The following LHX4 variants were observed in gnomAD, a reference collection of about 807,000 sequenced individuals.
The protein encoded by LHX4 is LIM homeobox 4.
In LHX4, 16 loss-of-function variants were observed where a neutral mutation model predicts 39.2. The ratio of observed to expected loss-of-function variants is 0.41; its 90% CI spans 0.28 to 0.62. LHX4 has a LOEUF of 0.62. Ranked by LOEUF, LHX4 falls within the 20% of genes least tolerant of loss-of-function variation. The probability of loss-of-function intolerance (pLI) is 0.33; values close to 1 mark genes in which losing one functional copy is unlikely to be tolerated. For synonymous variants in LHX4, 206 were observed against 198.1 expected (o/e 1.04, Z -0.33); for missense variants, 439 against 511.9 (o/e 0.86, Z 1.37).
chr1:180,277,704 A>AG lies in LHX4; in HGVS notation c.*3126dup, dbSNP rs1346362975. On this transcript the variant is annotated 3_prime_UTR_variant, in exon 6 of 6. Coordinates refer to ENST00000263726, the MANE Select transcript of LHX4 (RefSeq NM_033343.4). Reference sequence around the variant, plus strand: ...ATGCAACCTCAGGCAAATTCCTCTCAGTCTTTGTGCTTTCTCTTTCTTGTC... The same window carrying AG: ...ATGCAACCTCAGGCAAATTCCTCTCAGGTCTTTGTGCTTTCTCTTTCTTGTC... The AG allele has an allele frequency of 6.6e-6, 1 of 152,218 alleles. No individual in the cohort carries two copies. The highest frequency in any genetic ancestry group is 2.4e-5 in the African/African-American group (1 of 41,444). The allele number at this position is 152,218 out of a possible 1,614,324, so 9.4% of individuals were successfully genotyped here.
At chr1:180,271,061 A>C in intron 3 of LHX4, 1 of 415,304 alleles carries the variant, frequency 2.4e-6, no homozygotes, top group Non-Finnish European at 4.6e-6. Flanking sequence ...AGTGTTTGTC[A>C]TGACAGGGAC....
At chr1:180,231,708 T>C (rs1664186889) in intron 1 of LHX4, among the ~76,000 whole-genome samples, 1 of 152,000 alleles carries the variant, frequency 6.6e-6, no homozygotes, top group South Asian at 2.1e-4. Context: ...ACTTCTTTAG[T>C]GGTGCGGTAG....
intron 5 of LHX4, chr1:180,273,845 G>A (rs150921993): frequency 0.02 from 6,549 of 330,282 alleles, 82 homozygotes; most frequent in Non-Finnish European, 0.025. Context: ...TTTGTGATGT[G>A]GAGACATCTG....
At chr1:180,245,260 C>T (rs1213247759) in intron 1 of LHX4, among the ~76,000 whole-genome samples, 2 of 152,230 alleles carry the variant, frequency 1.3e-5, no homozygotes, top group East Asian at 3.8e-4. Flanking sequence ...TGAGTTGTCC[C>T]CTACTTTCTC....
chr1:180,243,741 C>T (rs1004496306), intron 1 of LHX4, among the ~76,000 whole-genome samples: 3 of 152,130 alleles, frequency 2.0e-5, no homozygotes, highest in Non-Finnish European at 2.9e-5. Context: ...GACACATGCA[C>T]ACTAGATGCC....
At chr1:180,262,276 G>A (rs701762) in intron 2 of LHX4, among the ~76,000 whole-genome samples, 134,644 of 144,068 alleles carry the variant, frequency 0.93, 62,917 homozygotes, top group East Asian at 0.99. Context: ...AGATGACTTT[G>A]AAAGGAAAAA....
At position 180,274,985 on chromosome 1, in the gene LHX4, CAGAACTGAGACTCCTAAGGT is replaced by C. The variant is rs907448715; in HGVS notation, c.*410_*429del. On this transcript the variant is annotated 3_prime_UTR_variant, in exon 6 of 6. Transcript: ENST00000263726. ...ATGCCTCCCAAAACACTGCTCTCACCAGAACTGAGACTCCTAAGGTAGAGGCCTCACAGCCCTTGAGTAAA... is the reference window on the plus strand; with the variant it reads ...ATGCCTCCCAAAACACTGCTCTCACCAGAGGCCTCACAGCCCTTGAGTAAA... 4.1e-5 allele frequency: 7 copies of C among 170,542 alleles called. No individual in the cohort carries two copies. The highest frequency in any genetic ancestry group is 1.4e-4 in the African/African-American group (6 of 42,192). The allele number at this position is 170,542 out of a possible 1,614,324, so 10.6% of individuals were successfully genotyped here.
chr1:180,241,053 A>G (rs1323998568), intron 1 of LHX4, among the ~76,000 whole-genome samples: 2 of 152,208 alleles, frequency 1.3e-5, no homozygotes, highest in East Asian at 3.8e-4. Flanking sequence ...AGAAGCCCCA[A>G]ACGTCAATTT....
chr1:180,245,014 C>A (rs1647333473), intron 1 of LHX4, among the ~76,000 whole-genome samples: 1 of 152,226 alleles, frequency 6.6e-6, no homozygotes, highest in African/African-American at 2.4e-5. Context: ...ACACAGCAGG[C>A]CTTGTTCACA....
At chr1:180,239,233 G>A (rs1303706138) in intron 1 of LHX4, among the ~76,000 whole-genome samples, 4 of 152,150 alleles carry the variant, frequency 2.6e-5, no homozygotes, top group Admixed American at 6.5e-5. Flanking sequence ...CTAAATCAAT[G>A]AGCCCCCCAC....
At chr1:180,254,671 C>T (rs1052554386) in intron 2 of LHX4, among the ~76,000 whole-genome samples, 5 of 152,120 alleles carry the variant, frequency 3.3e-5, no homozygotes, top group African/African-American at 4.8e-5. Context: ...GACCCCTCTG[C>T]GGGGTGGGCT....
chr1:180,230,570 A>G lies in LHX4; in HGVS notation c.41A>G (p.Lys14Arg). 2 of 1,613,980 alleles carry G rather than the reference A, an allele frequency of 1.2e-6. No homozygotes were observed. The highest frequency in any genetic ancestry group is 1.3e-5 in the African/African-American group (1 of 75,056). Residue 14 changes from lysine (K) to arginine (R), a missense_variant, in exon 1 of 6, where the codon AAG becomes AGG. Transcript: ENST00000263726. This position sits in a 1 kb window ranked among gnomAD's most constrained non-coding sequence, Gnocchi z 5.8. ...ACTGTCCCCGCGGAAGGGGCTGTCA[A>G]GGGGCTCCCGGAGATGCTAGGTGTG... is the stretch of plus-strand genomic sequence containing the variant. ...SATVPAEGAV[K>R]GLPEMLGVPM...
intron 3 of LHX4, chr1:180,270,958 AG>A (rs1033104822): frequency 1.6e-5 from 5 of 307,162 alleles, no homozygotes; most frequent in African/African-American, 6.5e-5. Flanking sequence ...GATGAGACAG[AG>A]GGGAGGGCAT....
intron 2 of LHX4, among the ~76,000 whole-genome samples, chr1:180,261,655 G>C (rs1205348359): frequency 1.3e-5 from 2 of 152,160 alleles, no homozygotes; most frequent in African/African-American, 4.8e-5. Context: ...CTAAAGAAAA[G>C]AGCTTAAAAC....
chr1:180,232,328 G>A lies in LHX4; in HGVS notation c.76+1723G>A, dbSNP rs1356063642. Among the ~76,000 whole-genome samples the A allele has an allele frequency of 6.6e-6, 1 of 152,206 alleles. No individual in the cohort carries two copies. Among genetic ancestry groups the A allele is most frequent in the Non-Finnish European group, 1.5e-5 (1 of 68,034 alleles). On this transcript the variant is annotated intron_variant, in intron 1 of 5. Coordinates refer to ENST00000263726, the MANE Select transcript of LHX4 (RefSeq NM_033343.4). The surrounding 1 kb of genome is among the most constrained non-coding windows in gnomAD (Gnocchi z 5.4). ...AATGAAGGACGATGGTCTCTGCTCT[G>A]ACGGCCTTTCTTGTGATGAGTGACA...
chr1:180,270,996 A>T (rs1290030113), intron 3 of LHX4: 11 of 324,412 alleles, frequency 3.4e-5, no homozygotes, highest in Non-Finnish European at 4.8e-5. Context: ...CATGACTTCA[A>T]CCTGGCTGTT....
intron 1 of LHX4, among the ~76,000 whole-genome samples, chr1:180,235,041 G>A (rs1423489422): frequency 6.6e-6 from 1 of 152,248 alleles, no homozygotes; most frequent in East Asian, 1.9e-4. Flanking sequence ...GGTTTTGGGG[G>A]ACTCGCCGGT....
chr1:180,255,782 C>A (rs567820142), intron 2 of LHX4, among the ~76,000 whole-genome samples: 1 of 152,250 alleles, frequency 6.6e-6, no homozygotes, highest in Non-Finnish European at 1.5e-5. Flanking sequence ...CCACCCTCCC[C>A]GAGTGGGGCC....
chr1:180,241,843 A>G (rs1051168138), intron 1 of LHX4, among the ~76,000 whole-genome samples: 1 of 151,732 alleles, frequency 6.6e-6, no homozygotes, highest in Admixed American at 6.6e-5. Context: ...TTTGAGACAG[A>G]GTCTTACTCT....
Sources: allele counts gnomAD v4.1 joint callset (sites outside exome capture counted in the v4.1 genomes callset), GRCh38; gene constraint gnomAD v4.1.1; non-coding constraint Gnocchi (gnomAD v3.1); transcripts MANE v1.5; gene names NCBI Gene and HGNC (gene_info 2026-07-23, HGNC 2026-07-21).